The following SCUBE1 variants were observed in gnomAD, a reference collection of about 807,000 sequenced individuals.
SCUBE1 encodes the protein signal peptide, CUB and EGF-like domain-containing protein 1.
A neutral mutation model predicts 124.4 loss-of-function variants in SCUBE1; 59 were observed. That is an observed-to-expected ratio of 0.47 (90% CI 0.38 to 0.59). The LOEUF (loss-of-function observed/expected upper bound fraction) is 0.59, where lower values mean the gene tolerates loss of function less well. Among genes scored for constraint, SCUBE1 ranks in the 20% least tolerant of loss-of-function variants. The pLI, the probability that SCUBE1 is intolerant of heterozygous loss-of-function variation, is 0.00. For missense variants in SCUBE1, 1,150 were observed against 1,371.2 expected (o/e 0.84, Z 2.55); for synonymous variants, 545 against 550.9 (o/e 0.99, Z 0.15).
At chr22:43,260,639 C>T (rs1294608128) in intron 5 of SCUBE1, among the ~76,000 whole-genome samples, 1 of 152,254 alleles carries the variant, frequency 6.6e-6, no homozygotes, top group Non-Finnish European at 1.5e-5. Context: ...AAGCTGGGCT[C>T]GCTGGGCAGC....
chr22:43,329,491 G>A (rs1284851079), intron 2 of SCUBE1, among the ~76,000 whole-genome samples: 1 of 152,222 alleles, frequency 6.6e-6, no homozygotes, highest in African/African-American at 2.4e-5. Flanking sequence ...GCTGGGACCC[G>A]GTCTCCATGG....
chr22:43,222,359 C>T (rs946395454), intron 12 of SCUBE1, among the ~76,000 whole-genome samples: 2 of 152,234 alleles, frequency 1.3e-5, no homozygotes, highest in African/African-American at 2.4e-5. Context: ...GAGATCTGTG[C>T]ACTCACAGCA....
At chr22:43,261,955 C>T (rs368668933) in intron 5 of SCUBE1, among the ~76,000 whole-genome samples, 78 of 152,272 alleles carry the variant, frequency 5.1e-4, no homozygotes, top group African/African-American at 1.7e-3. Flanking sequence ...CTGAGTTCAG[C>T]CATCGTTCTA....
At chr22:43,238,645 G>T in intron 7 of SCUBE1, 193 bp downstream of exon 7, 1 of 670,476 alleles carries the variant, frequency 1.5e-6, no homozygotes, top group East Asian at 2.7e-5. Context: ...AACTCTGCTG[G>T]GGACCCTGCT....
chr22:43,249,226 G>T (rs1334502415), intron 6 of SCUBE1, among the ~76,000 whole-genome samples: 1 of 151,986 alleles, frequency 6.6e-6, no homozygotes, highest in Non-Finnish European at 1.5e-5. Flanking sequence ...TGTGCGGGGT[G>T]GGGACTGGGA....
At chr22:43,268,899 G>C (rs1194649949) in intron 4 of SCUBE1, among the ~76,000 whole-genome samples, 1 of 152,220 alleles carries the variant, frequency 6.6e-6, no homozygotes, top group Non-Finnish European at 1.5e-5. Flanking sequence ...CAGGACAGTG[G>C]AGAGGCTGTT....
chr22:43,323,873 G>T (rs1257421290), intron 2 of SCUBE1, among the ~76,000 whole-genome samples: 1 of 152,132 alleles, frequency 6.6e-6, no homozygotes. Flanking sequence ...AAATAAATGA[G>T]GGTTGAAGAA....
At chr22:43,321,187 A>G (rs1477875202) in intron 2 of SCUBE1, among the ~76,000 whole-genome samples, 3 of 152,208 alleles carry the variant, frequency 2.0e-5, no homozygotes, top group Non-Finnish European at 4.4e-5. Context: ...TCACTCCCCT[A>G]TAGTGTAGAA....
Position 43,258,054 on chromosome 22 carries a change from G to A in SCUBE1, c.727+165C>T, listed in dbSNP as rs568941362. ...AGCCTCCCCAGAAAGCCTCCCCAGG[G>A]GCGCCGGCCATCCCCGCCATTGCCA... On this transcript the variant is annotated intron_variant, in intron 6 of 21. Transcript: ENST00000360835. This position sits in a 1 kb window ranked among gnomAD's most constrained non-coding sequence, Gnocchi z 5.0. Among the ~76,000 whole-genome samples the A allele has an allele frequency of 2.0e-5, 3 of 152,288 alleles. No homozygotes were observed. The highest frequency in any genetic ancestry group is 7.2e-5 in the African/African-American group (3 of 41,568).
At chr22:43,230,844 G>A (rs945637965) in intron 8 of SCUBE1, among the ~76,000 whole-genome samples, 2 of 152,122 alleles carry the variant, frequency 1.3e-5, no homozygotes, top group East Asian at 1.9e-4. Flanking sequence ...AACAGCCCTC[G>A]CTCCTCAGGG....
At chr22:43,251,904 G>A (rs1332090521) in intron 6 of SCUBE1, among the ~76,000 whole-genome samples, 4 of 152,208 alleles carry the variant, frequency 2.6e-5, no homozygotes, top group Middle Eastern at 3.2e-3. Context: ...AGCGTGGCGC[G>A]TAGCACCCCA....
At chr22:43,275,261 A>G (rs1166274937) in intron 4 of SCUBE1, among the ~76,000 whole-genome samples, 1 of 152,230 alleles carries the variant, frequency 6.6e-6, no homozygotes, top group East Asian at 1.9e-4. Flanking sequence ...TGTGGAAGGG[A>G]GCAAGGTGGG....
chr22:43,246,026 G>C (rs1027909415), intron 6 of SCUBE1, among the ~76,000 whole-genome samples: 1 of 152,154 alleles, frequency 6.6e-6, no homozygotes, highest in African/African-American at 2.4e-5. Flanking sequence ...AGGCCTGAGG[G>C]CTGGTGGCAC....
intron 6 of SCUBE1, among the ~76,000 whole-genome samples, chr22:43,254,262 C>T (rs1191310257): frequency 6.6e-6 from 1 of 151,978 alleles, no homozygotes; most frequent in Non-Finnish European, 1.5e-5. Context: ...CCTGTCCTGT[C>T]TAGCATGGAC....
At chr22:43,208,885 A>G (rs902540698) in intron 19 of SCUBE1, among the ~76,000 whole-genome samples, 1 of 152,154 alleles carries the variant, frequency 6.6e-6, no homozygotes, top group Non-Finnish European at 1.5e-5. Flanking sequence ...CTCCCCGCTT[A>G]AGGGCTCCTT....
intron 3 of SCUBE1, among the ~76,000 whole-genome samples, chr22:43,310,781 T>A (rs2146774329): frequency 6.6e-6 from 1 of 152,348 alleles, no homozygotes; most frequent in East Asian, 1.9e-4. Flanking sequence ...TTTTAAAAAC[T>A]TTTTTTAGTT....
At chr22:43,319,458 G>T (rs1926466048) in intron 3 of SCUBE1, among the ~76,000 whole-genome samples, 1 of 150,840 alleles carries the variant, frequency 6.6e-6, no homozygotes, top group Non-Finnish European at 1.5e-5. Flanking sequence ...AGCTACTTGG[G>T]AGGCTGAGGC....
intron 3 of SCUBE1, among the ~76,000 whole-genome samples, chr22:43,315,346 C>T (rs1224577726): frequency 6.6e-6 from 1 of 152,000 alleles, no homozygotes; most frequent in East Asian, 1.9e-4. Context: ...AACTCATGAG[C>T]GGTGACACCT....
chr22:43,207,314 CCAAA>C (rs143824262), intron 21 of SCUBE1, among the ~76,000 whole-genome samples: 5,966 of 152,236 alleles, frequency 0.039, 139 homozygotes, highest in South Asian at 0.058. Flanking sequence ...CAAGTCCTCA[CCAAA>C]CAGCTTCCCT....
Sources: gnomAD v4.1 joint callset for allele counts (sites outside exome capture counted in the v4.1 genomes callset) on GRCh38, gnomAD v4.1.1 for gene constraint, Gnocchi (gnomAD v3.1) non-coding constraint, MANE v1.5 for transcripts, NCBI Gene and HGNC (gene_info 2026-07-23, HGNC 2026-07-21) for gene names.